The following ZFP82 variants were observed in gnomAD, a reference collection of about 807,000 sequenced individuals.
ZFP82 encodes ZFP82 zinc finger protein.
A neutral mutation model predicts 54.0 loss-of-function variants in ZFP82; 30 were observed. The ratio of observed to expected loss-of-function variants is 0.56; its 90% CI spans 0.42 to 0.75. ZFP82 has a LOEUF of 0.75. Ranked by LOEUF, ZFP82 falls within the 30% of genes least tolerant of loss-of-function variation. The probability of loss-of-function intolerance (pLI) is 0.00; values close to 1 mark genes in which losing one functional copy is unlikely to be tolerated. For synonymous variants in ZFP82, 194 were observed against 209.5 expected (o/e 0.93, Z 0.64); for missense variants, 500 against 636.8 (o/e 0.79, Z 2.31).
chr19:36,414,826 T>C (rs985036817), intron 1 of ZFP82, among the ~76,000 whole-genome samples: 1 of 19,820 alleles, frequency 5.0e-5, no homozygotes, highest in African/African-American at 1.5e-4. Flanking sequence ...TATTAAATAC[T>C]TTTTTTTTTT....
Position 36,418,556 on chromosome 19 carries a change from G to C in ZFP82, c.-143C>G, listed in dbSNP as rs1430710645. 6.6e-6 allele frequency: 1 copy of C among 152,268 alleles called. No homozygotes were observed. Among genetic ancestry groups the C allele is most frequent in the Admixed American group, 6.5e-5 (1 of 15,282 alleles). The allele number at this position is 152,268 out of a possible 1,614,324, so 9.4% of individuals were successfully genotyped here. ...TTACCAGGACCGACGCTCCGGGCCA[G>C]GACTGCTCACTCGGGGCGCGAACCC... On this transcript the variant is annotated 5_prime_UTR_variant, in exon 1 of 5. Coordinates refer to ENST00000392161, the MANE Select transcript of ZFP82 (RefSeq NM_133466.4).
chr19:36,393,277 GT>G lies in ZFP82; in HGVS notation c.1062del (p.Leu355SerfsTer143), dbSNP rs1373896751. The G allele has an allele frequency of 5.0e-6, 8 of 1,613,682 alleles. No individual in the cohort carries two copies. On this transcript the variant is annotated frameshift_variant, in exon 5 of 5. Transcript: ENST00000392161. LOFTEE classifies it high-confidence loss of function. The stretch of plus-strand genomic sequence containing the variant: ...TCACCAGTATGAATTCTCTGATGGA[GT>G]GTTAGTTGTTGTCGCACTCTAAAGG... ...GKAFRVRQQLTLHQRIHTGEK... is the reference protein window; with the variant it reads ...GKAFRVRQQLXLHQRIHTGEK...
intron 4 of ZFP82, among the ~76,000 whole-genome samples, chr19:36,399,150 G>A (rs2032343866): frequency 6.6e-6 from 1 of 151,992 alleles, no homozygotes; most frequent in African/African-American, 2.4e-5. Context: ...AAAATATGAG[G>A]GGAAAGATCT....
In ZFP82 at chr19:36,389,320, G is replaced by A. The variant is rs1311997595; in HGVS notation, c.*3421C>T. On this transcript the variant is annotated 3_prime_UTR_variant, in exon 5 of 5. Coordinates refer to ENST00000392161, the MANE Select transcript of ZFP82 (RefSeq NM_133466.4). ...CCCAAAGTACTGCGATTACAGGCAT[G>A]AGCCACCACGCCTGGCCCAAACTTG... Among the ~76,000 whole-genome samples the A allele has an allele frequency of 2.0e-5, 3 of 152,144 alleles. No homozygotes were observed. Among genetic ancestry groups the A allele is most frequent in the African/African-American group, 7.2e-5 (3 of 41,418 alleles).
At chr19:36,413,745 T>C (rs971990135) in intron 1 of ZFP82, among the ~76,000 whole-genome samples, 22 of 152,128 alleles carry the variant, frequency 1.4e-4, no homozygotes, top group African/African-American at 5.3e-4. Flanking sequence ...TCCTCAGATA[T>C]AAACTAAGGA....
chr19:36,396,299 T>C (rs2032292383), intron 4 of ZFP82, among the ~76,000 whole-genome samples: 2 of 152,098 alleles, frequency 1.3e-5, no homozygotes, highest in African/African-American at 4.8e-5. Context: ...GGAAGATCTC[T>C]TCAGCCCAGG....
chr19:36,397,091 ATTTT>A (rs35809280), intron 4 of ZFP82, among the ~76,000 whole-genome samples: 16 of 132,260 alleles, frequency 1.2e-4, no homozygotes, highest in African/African-American at 3.6e-4. Flanking sequence ...GCATAAACCA[ATTTT>A]TTTTTTTTTT....
At chr19:36,396,587 C>T (rs1430693879) in intron 4 of ZFP82, among the ~76,000 whole-genome samples, 1 of 151,862 alleles carries the variant, frequency 6.6e-6, no homozygotes, top group East Asian at 1.9e-4. Context: ...ACCTGGGAGG[C>T]GGAGCTTGCA....
At chr19:36,399,004 A>G (rs2032342229) in intron 4 of ZFP82, among the ~76,000 whole-genome samples, 1 of 152,218 alleles carries the variant, frequency 6.6e-6, no homozygotes, top group African/African-American at 2.4e-5. Context: ...GTAAAACTCT[A>G]TTTCCAAAGG....
intron 2 of ZFP82, 131 bp from the exon 3 acceptor site, chr19:36,408,144 G>T: frequency 1.0e-6 from 1 of 971,706 alleles, no homozygotes; most frequent in Non-Finnish European, 1.5e-6. Flanking sequence ...CTGGAAGCCT[G>T]CAACACAGCG....
chr19:36,416,825 C>A (rs920996067), intron 1 of ZFP82, among the ~76,000 whole-genome samples: 37 of 150,114 alleles, frequency 2.5e-4, no homozygotes, highest in African/African-American at 9.1e-4. Flanking sequence ...GTCATTCCAG[C>A]ACTTTGGGAG....
chr19:36,407,894 G>A lies in ZFP82; in HGVS notation c.129C>T (p.Val43=), dbSNP rs1195850770. Residue 43 remains valine, a synonymous_variant, in exon 3 of 5, where the codon GTC becomes GTT. Transcript: ENST00000392161. ...DVMLENYSNL[V]SLGCFISKPD... ...AGAAGCAGATAACCTTACCCAGTGA[G>A]ACCAAGTTGCTGTAGTTCTCCAACA... 1.2e-6 allele frequency: 2 copies of A among 1,614,022 alleles called. No individual in the cohort carries two copies. The highest frequency in any genetic ancestry group is 1.7e-6 in the Non-Finnish European group (2 of 1,179,942).
intron 4 of ZFP82, chr19:36,395,452 T>C (rs1346153254): frequency 6.6e-6 from 1 of 152,174 alleles, no homozygotes; most frequent in Admixed American, 6.5e-5. Flanking sequence ...CTTATGAAAT[T>C]CATGGCACAA....
At chr19:36,383,740 G>A (rs796405858), downstream of ZFP82, 7 of 152,170 alleles carry the variant, frequency 4.6e-5, no homozygotes, top group African/African-American at 1.2e-4. Context: ...CACATTTAAC[G>A]TATTCATATG....
At chr19:36,395,895 G>C (rs2032284827) in intron 4 of ZFP82, 1 of 151,824 alleles carries the variant, frequency 6.6e-6, no homozygotes. Flanking sequence ...TTTGATTTTT[G>C]CTTGTTTGTT....
intron 2 of ZFP82, among the ~76,000 whole-genome samples, chr19:36,409,167 C>T (rs1220062624): frequency 2.0e-5 from 3 of 152,158 alleles, no homozygotes; most frequent in East Asian, 1.9e-4. Flanking sequence ...TCTATAAGAC[C>T]TAGCCACACC....
At chr19:36,383,175 A>G (rs1027076143) in exon 2 of ZFP82, 2 of 152,150 alleles carry the variant, frequency 1.3e-5, no homozygotes, top group Non-Finnish European at 2.9e-5. Context: ...TGGCCGAGGA[A>G]ACTTTATCAC....
rs910907638 is a variant in ZFP82 at position 36,391,218 on chromosome 19, T to C, written c.*1523A>G. On this transcript the variant is annotated 3_prime_UTR_variant, in exon 5 of 5. Coordinates refer to ENST00000392161, the MANE Select transcript of ZFP82 (RefSeq NM_133466.4). ...GTTAATAATGCTCTAGTATGCTCCATAACTAATCAATGCATTTGGTTCAGG... is the reference window on the plus strand; with the variant it reads ...GTTAATAATGCTCTAGTATGCTCCACAACTAATCAATGCATTTGGTTCAGG... The C allele has an allele frequency of 1.3e-5, 2 of 151,852 alleles. No homozygotes were observed. Among genetic ancestry groups the C allele is most frequent in the African/African-American group, 4.8e-5 (2 of 41,326 alleles). 9.4% of individuals were successfully genotyped at this position (151,852 alleles called of 1,614,324 possible). A position where few individuals can be genotyped will look rare whatever the true frequency, so the allele number is the denominator to read the frequency against.
chr19:36,407,083 T>A (rs1260301130), intron 3 of ZFP82, among the ~76,000 whole-genome samples: 1 of 145,014 alleles, frequency 6.9e-6, no homozygotes, highest in African/African-American at 2.5e-5. Context: ...TCTTTTTTTT[T>A]TTTTTTTTTT....
Sources: allele counts gnomAD v4.1 joint callset (sites outside exome capture counted in the v4.1 genomes callset), GRCh38; gene constraint gnomAD v4.1.1; transcripts MANE v1.5; gene names NCBI Gene and HGNC (gene_info 2026-07-23, HGNC 2026-07-21).